The following NCEH1 variants were observed in gnomAD, a reference collection of about 807,000 sequenced individuals.
The protein encoded by NCEH1 is neutral cholesterol ester hydrolase 1, also known as 2-acetyl MAGE hydrolase.
Under a neutral mutation model 25.4 loss-of-function variants are expected in NCEH1, and 9 were observed. The observed-to-expected ratio is 0.35, with a 90% CI of 0.21 to 0.62. NCEH1 has a LOEUF of 0.62. Among genes scored for constraint, NCEH1 ranks in the 20% least tolerant of loss-of-function variants. The probability of loss-of-function intolerance (pLI) is 0.72; values close to 1 mark genes in which losing one functional copy is unlikely to be tolerated. For synonymous variants in NCEH1, 200 were observed against 199.8 expected (o/e 1.00, Z -0.01); for missense variants, 412 against 501.1 (o/e 0.82, Z 1.70).
chr3:172,662,875 G>A (rs975296070), intron 1 of NCEH1, among the ~76,000 whole-genome samples: 53 of 151,004 alleles, frequency 3.5e-4, no homozygotes, highest in Admixed American at 1.1e-3. Flanking sequence ...AGTCTTGCTA[G>A]CGGTCTATCA....
intron 1 of NCEH1, among the ~76,000 whole-genome samples, chr3:172,669,386 T>C (rs759146951): frequency 2.2e-4 from 33 of 152,208 alleles, no homozygotes; most frequent in Non-Finnish European, 4.4e-4. Flanking sequence ...TGAGAGGAAT[T>C]TGCCCTAAGG....
chr3:172,677,459 C>G (rs1217320720), intron 1 of NCEH1, among the ~76,000 whole-genome samples: 6 of 152,196 alleles, frequency 3.9e-5, no homozygotes, highest in Non-Finnish European at 8.8e-5. Flanking sequence ...AATAATAAAC[C>G]ATGTACTCTT....
intron 1 of NCEH1, among the ~76,000 whole-genome samples, chr3:172,690,149 C>T (rs560854602): frequency 6.6e-5 from 10 of 151,976 alleles, no homozygotes; most frequent in Non-Finnish European, 8.8e-5. Flanking sequence ...GTGATCCACC[C>T]GCCTCGGCCT....
intron 1 of NCEH1, among the ~76,000 whole-genome samples, chr3:172,657,470 A>T (rs1411058145): frequency 6.6e-6 from 1 of 151,994 alleles, no homozygotes; most frequent in Non-Finnish European, 1.5e-5. Context: ...CACCTCATCA[A>T]ACCCTATTAA....
intron 2 of NCEH1, among the ~76,000 whole-genome samples, chr3:172,647,553 A>G: frequency 6.6e-6 from 1 of 152,236 alleles, no homozygotes; most frequent in Non-Finnish European, 1.5e-5. Context: ...TTTGGTGCAG[A>G]AAGCTGTATC....
In NCEH1 at chr3:172,668,880, T is replaced by C. The variant is rs188313419; in HGVS notation, c.139-20766A>G. ...AATATAGCTAGGTATTAGGTCAGTA[T>C]GATGAAAAATGTAATGATGGAGCTT... On this transcript the variant is annotated intron_variant, in intron 1 of 4. Transcript: ENST00000475381. Among the ~76,000 whole-genome samples the C allele has an allele frequency of 9.8e-5, 15 of 152,314 alleles. No individual in the cohort carries two copies. In the East Asian group the frequency reaches 2.7e-3, roughly 27 times the overall value.
At chr3:172,642,603 C>CAAAAAAA (rs66551744) in intron 3 of NCEH1, among the ~76,000 whole-genome samples, 365 of 80,746 alleles carry the variant, frequency 4.5e-3, no homozygotes, top group Non-Finnish European at 5.2e-3. Flanking sequence ...GCTATTTCTA[C>CAAAAAAA]AAAAAAAAAA....
chr3:172,642,946 T>C (rs572693081), intron 3 of NCEH1, among the ~76,000 whole-genome samples: 1 of 152,130 alleles, frequency 6.6e-6, no homozygotes, highest in African/African-American at 2.4e-5. Context: ...TGTTTGTTTG[T>C]TTGTTTTTTG....
chr3:172,682,800 C>T (rs1309675841), intron 1 of NCEH1, among the ~76,000 whole-genome samples: 1 of 152,164 alleles, frequency 6.6e-6, no homozygotes, highest in Non-Finnish European at 1.5e-5. Context: ...GGAGGAGACA[C>T]AGAATGCAGC....
At chr3:172,653,756 T>TTTTTTTTTTG (rs746384086) in intron 1 of NCEH1, among the ~76,000 whole-genome samples, 1 of 96,954 alleles carries the variant, frequency 1.0e-5, no homozygotes, top group African/African-American at 5.2e-5. Flanking sequence ...TTTTTTGTTT[T>TTTTTTTTTTG]TTTGTTTTTT....
chr3:172,647,962 G>A lies in NCEH1; in HGVS notation c.291C>T (p.Gly97=). The A allele has an allele frequency of 6.2e-7, 1 of 1,614,176 alleles. No individual in the cohort carries two copies. The highest frequency in any genetic ancestry group is 8.5e-7 in the Non-Finnish European group (1 of 1,180,034). The change falls in exon 2 of 5, where the codon GGC becomes GGT. Residue 97 remains glycine (G), a synonymous_variant. Transcript: ENST00000475381. ...FDGVEVRVFE[G]PPKPEEPLKR... is the part of the protein sequence containing the mutation. ...TCAGTGGCTCTTCGGGCTTCGGAGG[G>A]CCTTCAAACACTCTGACTTCCACAC... is the stretch of plus-strand genomic sequence containing the variant.
chr3:172,667,486 T>TA (rs1215303069), intron 1 of NCEH1, among the ~76,000 whole-genome samples: 2 of 152,170 alleles, frequency 1.3e-5, no homozygotes, highest in African/African-American at 4.8e-5. Flanking sequence ...GTGGATGACC[T>TA]AAGGTTGCGC....
chr3:172,665,714 C>G (rs368032481), intron 1 of NCEH1, among the ~76,000 whole-genome samples: 1 of 152,192 alleles, frequency 6.6e-6, no homozygotes, highest in South Asian at 2.1e-4. Context: ...CCCAGCCTTG[C>G]TGCTGCCTCG....
chr3:172,653,735 G>GTTTTTTTTTTTTTTTTTTTTTTTTTTTT (rs1553830302), intron 1 of NCEH1, among the ~76,000 whole-genome samples: 1 of 71,024 alleles, frequency 1.4e-5, no homozygotes, highest in African/African-American at 5.1e-5. Context: ...TTGTTGTTCT[G>GTTTTTTTTTTTTTTTTTTTTTTTTTTTT]TTTTTTTTGT....
chr3:172,683,635 G>A (rs139506200), intron 1 of NCEH1, among the ~76,000 whole-genome samples: 7 of 152,232 alleles, frequency 4.6e-5, no homozygotes, highest in South Asian at 2.1e-4. Flanking sequence ...CCGTAATCAC[G>A]CCACCGCCCT....
In NCEH1 at chr3:172,701,025, G is replaced by A. The variant is rs370245576; in HGVS notation, c.138+9822C>T. The stretch of plus-strand genomic sequence containing the variant: ...ACTGGTGTCCCTGAGGGGCACCCTT[G>A]GTAAAATCCTCCAGATCTTACTGTC... On this transcript the variant is annotated intron_variant, in intron 1 of 4. Transcript: ENST00000475381. Among the ~76,000 whole-genome samples, 9 of 152,152 alleles carry A rather than the reference G, an allele frequency of 5.9e-5. No homozygotes were observed. In the South Asian group the frequency reaches 1.9e-3, roughly 32 times the overall value.
intron 3 of NCEH1, among the ~76,000 whole-genome samples, chr3:172,641,288 A>T (rs970326977): frequency 1.3e-5 from 2 of 152,214 alleles, no homozygotes; most frequent in African/African-American, 4.8e-5. Flanking sequence ...ATATGTAAAA[A>T]TAGTATAGCG....
intron 1 of NCEH1, among the ~76,000 whole-genome samples, chr3:172,666,939 C>A (rs1029698270): frequency 4.6e-5 from 7 of 152,190 alleles, no homozygotes; most frequent in Non-Finnish European, 1.0e-4. Flanking sequence ...CTCCCCTTTT[C>A]CACCTCCAAC....
At chr3:172,653,745 TTTTTTTGTTTTTTTG>T (rs1717537532) in intron 1 of NCEH1, among the ~76,000 whole-genome samples, 5 of 68,234 alleles carry the variant, frequency 7.3e-5, no homozygotes, top group African/African-American at 4.2e-4. Context: ...GTTTTTTTTG[TTTTTTTGTTTTTTTG>T]TTTTTTTTTT....
Sources: gnomAD v4.1 joint callset for allele counts (sites outside exome capture counted in the v4.1 genomes callset) on GRCh38, gnomAD v4.1.1 for gene constraint, MANE v1.5 for transcripts, NCBI Gene and HGNC (gene_info 2026-07-23, HGNC 2026-07-21) for gene names.